The following LRCH1 variants were observed in gnomAD, a reference collection of about 807,000 sequenced individuals.
LRCH1 encodes leucine-rich repeat and calponin homology domain-containing protein 1.
In LRCH1, 23 loss-of-function variants were observed where a neutral mutation model predicts 94.9. The observed-to-expected ratio is 0.24, with a 90% confidence interval of 0.17 to 0.34. The LOEUF is 0.34. LRCH1 is among the 10% of genes least tolerant of loss of function. The pLI is 1.00. For synonymous variants in LRCH1, 364 were observed against 354.9 expected (o/e 1.03, Z -0.29); for missense variants, 790 against 945.9 (o/e 0.84, Z 2.16).
chr13:46,589,488 G>A lies in LRCH1; in HGVS notation c.307+35785G>A, dbSNP rs567566433. Reference sequence around the variant, plus strand: ...TTGTCTCCAAATTGTCTTTTATGGCGATTTTTTCTTCCTAAATTCAGATAC... The same window carrying A: ...TTGTCTCCAAATTGTCTTTTATGGCAATTTTTTCTTCCTAAATTCAGATAC... On this transcript the variant is annotated intron_variant, in intron 1 of 19. Transcript: ENST00000389797. 3.2e-4 allele frequency among the ~76,000 whole-genome samples: 48 copies of A among 151,302 alleles called. No homozygotes were observed. The East Asian group carries it at 3.7e-3, about 12-fold the overall frequency.
intron 1 of LRCH1, among the ~76,000 whole-genome samples, chr13:46,598,719 T>C (rs1170354571): frequency 2.0e-5 from 3 of 152,128 alleles, no homozygotes; most frequent in Non-Finnish European, 4.4e-5. Flanking sequence ...GTAAGGGAAA[T>C]GCTTAGGCTG....
intron 13 of LRCH1, among the ~76,000 whole-genome samples, chr13:46,710,558 A>AC (rs1425390389): frequency 6.6e-6 from 1 of 152,214 alleles, no homozygotes; most frequent in Non-Finnish European, 1.5e-5. Context: ...GATAGGACAA[A>AC]CTAGAGGAAA....
rs941907404 is a variant in LRCH1 at position 46,743,420 on chromosome 13, G to A, written c.*1572G>A. 1.0e-6 allele frequency: 1 copy of A among 985,558 alleles called. No individual in the cohort carries two copies. Among genetic ancestry groups the A allele is most frequent in the Non-Finnish European group, 1.2e-6 (1 of 829,918 alleles). 61.1% of individuals were successfully genotyped at this position (985,558 alleles called of 1,614,324 possible). A position where few individuals can be genotyped will look rare whatever the true frequency, so the allele number is the denominator to read the frequency against. On this transcript the variant is annotated 3_prime_UTR_variant, in exon 20 of 20. Transcript: ENST00000389797. ...CTTTGTGTTGATTGGTGAAATGCAG[G>A]GTATGTGGAAGTTATCTAATTAACC...
At chr13:46,670,846 G>A (rs1229906028) in intron 3 of LRCH1, among the ~76,000 whole-genome samples, 1 of 146,934 alleles carries the variant, frequency 6.8e-6, no homozygotes, top group Non-Finnish European at 1.5e-5. Flanking sequence ...AAGCATTCAA[G>A]GAGAAGGGAC....
At chr13:46,639,968 C>T (rs2051139072) in intron 1 of LRCH1, among the ~76,000 whole-genome samples, 2 of 152,346 alleles carry the variant, frequency 1.3e-5, no homozygotes, top group Admixed American at 1.3e-4. Flanking sequence ...GAACTCCAGA[C>T]ACTGCTAACT....
At chr13:46,577,572 G>A (rs185342491) in intron 1 of LRCH1, among the ~76,000 whole-genome samples, 105 of 152,324 alleles carry the variant, frequency 6.9e-4, no homozygotes, top group African/African-American at 2.4e-3. Context: ...GTTATACAGG[G>A]TGGATATAGT....
At chr13:46,747,916 T>G (rs907767511), downstream of LRCH1, among the ~76,000 whole-genome samples, 3 of 152,136 alleles carry the variant, frequency 2.0e-5, no homozygotes, top group African/African-American at 7.2e-5. Context: ...TTTCTTTAAT[T>G]TTTTTGGAGA....
intron 1 of LRCH1, among the ~76,000 whole-genome samples, chr13:46,595,090 T>A (rs2050544845): frequency 6.6e-6 from 1 of 152,236 alleles, no homozygotes; most frequent in Admixed American, 6.5e-5. Flanking sequence ...GGTTTGCTTT[T>A]TGCCCTGGTC....
chr13:46,726,112 T>C (rs1391956344), intron 17 of LRCH1, among the ~76,000 whole-genome samples: 1 of 152,236 alleles, frequency 6.6e-6, no homozygotes, highest in Non-Finnish European at 1.5e-5. Context: ...TGTGATTCAG[T>C]TAAAAGGGGC....
At chr13:46,593,238 T>TA (rs957580392) in intron 1 of LRCH1, among the ~76,000 whole-genome samples, 3 of 147,940 alleles carry the variant, frequency 2.0e-5, no homozygotes, top group African/African-American at 4.9e-5. Context: ...AGACTTGAAA[T>TA]AAAAAAAAAG....
chr13:46,710,620 C>A (rs536468932), intron 13 of LRCH1, among the ~76,000 whole-genome samples: 4 of 152,262 alleles, frequency 2.6e-5, no homozygotes, highest in Admixed American at 2.6e-4. Context: ...GCAGCTCTAA[C>A]AAAGCCATTT....
At chr13:46,591,895 C>T (rs1021463430) in intron 1 of LRCH1, among the ~76,000 whole-genome samples, 1 of 152,226 alleles carries the variant, frequency 6.6e-6, no homozygotes, top group Admixed American at 6.5e-5. Context: ...GATTTGCAAC[C>T]TAAGTATTAG....
intron 2 of LRCH1, among the ~76,000 whole-genome samples, chr13:46,657,500 C>CTTTTTTTTTTTTTTTTT (rs67588975): frequency 4.4e-4 from 5 of 11,388 alleles, no homozygotes; most frequent in African/African-American, 6.3e-4. Context: ...CTTTTCTTTT[C>CTTTTTTTTTTTTTTTTT]TTTTTTTTTT....
Position 46,742,788 on chromosome 13 carries a change from G to C in LRCH1, c.*940G>C. ...AGCCATGAGCCGTGGAACATTCTTG[G>C]TCCTGGTGCTTGGGTTATGATGGCA... is the stretch of plus-strand genomic sequence containing the variant. On this transcript the variant is annotated 3_prime_UTR_variant, in exon 20 of 20. Coordinates refer to ENST00000389797, the MANE Select transcript of LRCH1 (RefSeq NM_001164211.2). 1 of 985,354 alleles carries C rather than the reference G, an allele frequency of 1.0e-6. No individual in the cohort carries two copies. 61.0% of individuals were successfully genotyped at this position (985,354 alleles called of 1,614,324 possible).
intron 1 of LRCH1, among the ~76,000 whole-genome samples, chr13:46,634,813 TGAG>T (rs2051063251): frequency 6.6e-6 from 1 of 152,024 alleles, no homozygotes; most frequent in African/African-American, 2.4e-5. Context: ...TATAAATGAG[TGAG>T]TAAGTGAGCC....
intron 10 of LRCH1, among the ~76,000 whole-genome samples, chr13:46,700,838 G>A (rs1871427021): frequency 6.6e-6 from 1 of 152,164 alleles, no homozygotes; most frequent in South Asian, 2.1e-4. Flanking sequence ...CTCTCATCTA[G>A]GCCATTGCCT....
Position 46,743,894 on chromosome 13 carries a change from C to T in LRCH1, c.*2046C>T, listed in dbSNP as rs1873792264. ...AAAGACATTTATATTTTAATTCTGG[C>T]ATCCAAAGTATTCTTTGGACGCACT... is the stretch of plus-strand genomic sequence containing the variant. On this transcript the variant is annotated 3_prime_UTR_variant, in exon 20 of 20. Coordinates refer to ENST00000389797, the MANE Select transcript of LRCH1 (RefSeq NM_001164211.2). The T allele has an allele frequency of 1.0e-6, 1 of 985,074 alleles. No individual in the cohort carries two copies. Among genetic ancestry groups the T allele is most frequent in the Non-Finnish European group, 1.2e-6 (1 of 829,746 alleles). 61.0% of individuals were successfully genotyped at this position (985,074 alleles called of 1,614,324 possible).
chr13:46,633,254 A>G (rs145560487), intron 1 of LRCH1, among the ~76,000 whole-genome samples: 2 of 152,352 alleles, frequency 1.3e-5, no homozygotes, highest in East Asian at 1.9e-4. Flanking sequence ...ACTTCTCAAT[A>G]AACATAGTAG....
At chr13:46,660,816 C>A (rs1246994746) in intron 2 of LRCH1, among the ~76,000 whole-genome samples, 1 of 152,178 alleles carries the variant, frequency 6.6e-6, no homozygotes, top group East Asian at 1.9e-4. Context: ...CCCTTTGACT[C>A]AGTTGAGCAC....
Sources: gnomAD v4.1 joint callset for allele counts (sites outside exome capture counted in the v4.1 genomes callset) on GRCh38, gnomAD v4.1.1 for gene constraint, MANE v1.5 for transcripts, NCBI Gene and HGNC (gene_info 2026-07-23, HGNC 2026-07-21) for gene names.